ALK: variants seen among roughly 807,000 people sequenced by gnomAD.
ALK encodes the protein ALK receptor tyrosine kinase.
Under a neutral mutation model 163.1 loss-of-function variants are expected in ALK, and 74 were observed. The observed-to-expected ratio is 0.45, with a 90% CI of 0.38 to 0.55. ALK has a LOEUF of 0.55. ALK is among the 20% of genes least tolerant of loss of function. The probability of loss-of-function intolerance (pLI) is 0.00; values close to 1 mark genes in which losing one functional copy is unlikely to be tolerated. For missense variants in ALK, 2,063 were observed against 2,105.3 expected (o/e 0.98, Z 0.39); for synonymous variants, 960 against 843.2 (o/e 1.14, Z -2.40).
intron 5 of ALK, among the ~76,000 whole-genome samples, chr2:29,346,982 C>A (rs1018891936): frequency 1.3e-5 from 2 of 152,212 alleles, no homozygotes; most frequent in African/African-American, 4.8e-5. Context: ...TCTCCATCTG[C>A]TTTCCTGACC....
intron 4 of ALK, among the ~76,000 whole-genome samples, chr2:29,447,741 G>C (rs769847428): frequency 1.3e-5 from 2 of 152,182 alleles, no homozygotes; most frequent in Non-Finnish European, 2.9e-5. Context: ...GGCCCTCCAG[G>C]TAGCTCCTGG....
intron 1 of ALK, among the ~76,000 whole-genome samples, chr2:29,725,369 T>G (rs1679542459): frequency 6.6e-6 from 1 of 152,052 alleles, no homozygotes; most frequent in African/African-American, 2.4e-5. Flanking sequence ...ACCCCCTGCT[T>G]TCCTAAATCC....
intron 1 of ALK, among the ~76,000 whole-genome samples, chr2:29,889,735 GAGAGAGAGAGAGAGAGA>G (rs1667094428): frequency 2.9e-5 from 4 of 138,622 alleles, no homozygotes; most frequent in African/African-American, 1.1e-4. Context: ...GAGAGAGAGA[GAGAGAGAGAGAGAGAGA>G]GAGAGAGAAA....
intron 5 of ALK, among the ~76,000 whole-genome samples, chr2:29,377,472 C>T (rs1668783716): frequency 2.0e-5 from 1 of 50,756 alleles, no homozygotes; most frequent in African/African-American, 7.2e-5. Flanking sequence ...GAGACTACAT[C>T]TCAAAAAAAA....
chr2:29,632,938 C>T (rs1420470389), intron 3 of ALK, among the ~76,000 whole-genome samples: 1 of 152,218 alleles, frequency 6.6e-6, no homozygotes, highest in Non-Finnish European at 1.5e-5. Context: ...ATTCAATTAG[C>T]TCCCACTGCG....
At chr2:29,644,584 C>T (rs76166850) in intron 3 of ALK, among the ~76,000 whole-genome samples, 1,970 of 147,262 alleles carry the variant, frequency 0.013, 40 homozygotes, top group African/African-American at 0.049. Flanking sequence ...TTTCCCCCCA[C>T]TCTCCAGGGA....
chr2:29,442,239 G>A (rs1178745236), intron 4 of ALK, among the ~76,000 whole-genome samples: 1 of 152,096 alleles, frequency 6.6e-6, no homozygotes, highest in African/African-American at 2.4e-5. Flanking sequence ...ATGGTACTAG[G>A]AGATTTGGGG....
At chr2:29,650,761 G>A in intron 3 of ALK, among the ~76,000 whole-genome samples, 1 of 152,048 alleles carries the variant, frequency 6.6e-6, no homozygotes, top group Non-Finnish European at 1.5e-5. Flanking sequence ...GGCTCTTTGG[G>A]TGATGATTCA....
chr2:29,662,749 A>G (rs554416338), intron 3 of ALK, among the ~76,000 whole-genome samples: 1 of 151,950 alleles, frequency 6.6e-6, no homozygotes, highest in East Asian at 1.9e-4. Flanking sequence ...AAATATGGAC[A>G]TCTGTGACCT....
intron 6 of ALK, among the ~76,000 whole-genome samples, chr2:29,324,739 C>T (rs1351768478): frequency 6.6e-6 from 1 of 152,126 alleles, no homozygotes; most frequent in African/African-American, 2.4e-5. Context: ...TCACGAAGAC[C>T]CCCTTCAGTG....
chr2:29,737,784 C>T (rs1473366635), intron 1 of ALK, among the ~76,000 whole-genome samples: 1 of 152,032 alleles, frequency 6.6e-6, no homozygotes, highest in Non-Finnish European at 1.5e-5. Flanking sequence ...TTACATAATC[C>T]TCCCTGAGTC....
intron 9 of ALK, among the ~76,000 whole-genome samples, chr2:29,280,384 G>C (rs766158903): frequency 2.0e-5 from 3 of 150,600 alleles, no homozygotes; most frequent in Non-Finnish European, 3.0e-5. Flanking sequence ...GGAAGGTTCT[G>C]GTATGTACCA....
Position 29,239,719 on chromosome 2 carries a change from G to A in ALK, c.2316C>T (p.Tyr772=), listed in dbSNP as rs762222300. The change falls in exon 13 of 29, where the codon TAC becomes TAT. Residue 772 remains tyrosine, a synonymous_variant. Transcript: ENST00000389048. ...CCTCTCCCTGCTGCCCAACCAGGATGTACAGCATGTCATCCTTCTCCAGGT... is the reference window on the plus strand; with the variant it reads ...CCTCTCCCTGCTGCCCAACCAGGATATACAGCATGTCATCCTTCTCCAGGT... ...IFNLEKDDML[Y]ILVGQQGEDA... 6.2e-7 allele frequency: 1 copy of A among 1,614,078 alleles called. No homozygotes were observed. Among genetic ancestry groups the A allele is most frequent in the Non-Finnish European group, 8.5e-7 (1 of 1,180,036 alleles).
intron 3 of ALK, among the ~76,000 whole-genome samples, chr2:29,629,819 A>C (rs1225029261): frequency 6.6e-6 from 1 of 152,172 alleles, no homozygotes; most frequent in East Asian, 1.9e-4. Context: ...AGTCACACTG[A>C]GGCAGGTGAT....
Position 29,232,417 on chromosome 2 carries a change from A to C in ALK, c.2519T>G (p.Ile840Ser). The change falls in exon 15 of 29, where the codon ATT becomes AGT. Residue 840 changes from isoleucine (I) to serine (S), a missense_variant. Physicochemically the swap from Ile to Ser is moderately radical, Grantham distance 142. Around this residue, in one of 5 missense-constraint regions of ALK, gnomAD observed 575 missense variants for 626.6 expected, o/e 0.92. Transcript: ENST00000389048. Reference protein sequence around the residue: ...MKDGVPVPLIIAAGGGGRAYG... With the variant: ...MKDGVPVPLISAAGGGGRAYG... The stretch of plus-strand genomic sequence containing the variant: ...GGCCCTGCCACCACCTCCGGCTGCA[A>C]TGATCAGGGGCACCGGCACTCCATC... The C allele has an allele frequency of 6.2e-7, 1 of 1,614,184 alleles. No individual in the cohort carries two copies. The highest frequency in any genetic ancestry group is 1.6e-4 in the Middle Eastern group (1 of 6,062).
chr2:29,703,855 A>C (rs1678818689), intron 2 of ALK, among the ~76,000 whole-genome samples: 1 of 152,132 alleles, frequency 6.6e-6, no homozygotes, highest in Non-Finnish European at 1.5e-5. Flanking sequence ...GAAAATACTG[A>C]CTTAGGGCCA....
chr2:29,538,550 C>T (rs928919408), intron 3 of ALK, among the ~76,000 whole-genome samples: 11 of 152,316 alleles, frequency 7.2e-5, no homozygotes, highest in African/African-American at 2.2e-4. Flanking sequence ...GCCTGCAGAA[C>T]CATGAGCCAA....
At chr2:29,295,235 C>T (rs1666140300) in intron 9 of ALK, among the ~76,000 whole-genome samples, 2 of 152,146 alleles carry the variant, frequency 1.3e-5, no homozygotes, top group African/African-American at 2.4e-5. Context: ...AAGTCTCCTT[C>T]AAATGAAACT....
At chr2:29,408,310 G>A (rs941189771) in intron 4 of ALK, among the ~76,000 whole-genome samples, 5 of 151,394 alleles carry the variant, frequency 3.3e-5, no homozygotes, top group African/African-American at 4.9e-5. Flanking sequence ...GGATGGTCTC[G>A]ATCTCCTGAC....
Sources: allele counts gnomAD v4.1 joint callset (sites outside exome capture counted in the v4.1 genomes callset), GRCh38; gene constraint gnomAD v4.1.1; regional missense constraint gnomAD v4.1.1; transcripts MANE v1.5; gene names NCBI Gene and HGNC (gene_info 2026-07-23, HGNC 2026-07-21).